Variants in CTNNA2 observed in about 807,000 individuals in gnomAD.
CTNNA2 encodes catenin alpha 2.
A neutral mutation model predicts 101.0 loss-of-function variants in CTNNA2; 42 were observed. The ratio of observed to expected loss-of-function variants is 0.42; its 90% CI spans 0.32 to 0.54. CTNNA2 has a LOEUF of 0.54. CTNNA2 is among the 20% of genes least tolerant of loss of function. The probability of loss-of-function intolerance (pLI) is 0.14; values close to 1 mark genes in which losing one functional copy is unlikely to be tolerated. For synonymous variants in CTNNA2, 450 were observed against 456.4 expected (o/e 0.99, Z 0.18); for missense variants, 871 against 1,223.1 (o/e 0.71, Z 4.29).
chr2:79,397,862 C>T (rs4852146), intron 4 of CTNNA2, among the ~76,000 whole-genome samples: 107,555 of 151,870 alleles, frequency 0.71, 38,248 homozygotes, highest in East Asian at 0.77. Flanking sequence ...TGTCTCATTA[C>T]GTTTCCCAGA....
chr2:79,559,891 A>G (rs1186962639), intron 1 of CTNNA2, among the ~76,000 whole-genome samples: 3 of 151,904 alleles, frequency 2.0e-5, no homozygotes, highest in Non-Finnish European at 4.4e-5. Context: ...CATATGTAAC[A>G]TGTCATATCA....
intron 1 of CTNNA2, among the ~76,000 whole-genome samples, chr2:79,522,673 A>G (rs1672182619): frequency 1.3e-5 from 2 of 152,194 alleles, no homozygotes; most frequent in South Asian, 2.1e-4. Context: ...AGATGAGATC[A>G]ATGAGCACAG....
intron 5 of CTNNA2, among the ~76,000 whole-genome samples, chr2:79,872,906 C>G (rs1046870142): frequency 6.6e-5 from 10 of 152,200 alleles, no homozygotes; most frequent in Non-Finnish European, 1.3e-4. Context: ...AAGAGCAACA[C>G]TGCTTTAACA....
At chr2:80,408,384 C>T (rs1679252608) in intron 8 of CTNNA2, among the ~76,000 whole-genome samples, 1 of 152,178 alleles carries the variant, frequency 6.6e-6, no homozygotes, top group African/African-American at 2.4e-5. Context: ...GCTTCATGCT[C>T]TTTAACCACA....
At chr2:79,803,074 C>A (rs774404000) in intron 3 of CTNNA2, among the ~76,000 whole-genome samples, 2 of 152,124 alleles carry the variant, frequency 1.3e-5, no homozygotes, top group Non-Finnish European at 2.9e-5. Flanking sequence ...TTTGCACTAG[C>A]CTTTCATGAC....
chr2:79,643,738 T>C (rs571660555), intron 1 of CTNNA2, among the ~76,000 whole-genome samples: 7 of 152,138 alleles, frequency 4.6e-5, no homozygotes, highest in Non-Finnish European at 7.3e-5. Flanking sequence ...TACTGGAGGC[T>C]CTGGGGAAGA....
At chr2:79,462,573 C>T (rs986028489) in intron 4 of CTNNA2, among the ~76,000 whole-genome samples, 1 of 152,174 alleles carries the variant, frequency 6.6e-6, no homozygotes. Context: ...AAAAAAGCAA[C>T]CTATAAGCTA....
intron 9 of CTNNA2, among the ~76,000 whole-genome samples, chr2:80,501,142 A>G (rs546345187): frequency 6.6e-6 from 1 of 152,320 alleles, no homozygotes; most frequent in South Asian, 2.1e-4. Flanking sequence ...TTTCTGCTTT[A>G]TTTGGCATAA....
chr2:79,629,540 G>T (rs1029929211), intron 1 of CTNNA2, among the ~76,000 whole-genome samples: 9 of 152,178 alleles, frequency 5.9e-5, no homozygotes, highest in Admixed American at 2.0e-4. Context: ...CTAGGATGTG[G>T]TTATGGGAAT....
chr2:79,765,390 T>C (rs1398937459), intron 3 of CTNNA2, among the ~76,000 whole-genome samples: 1 of 152,240 alleles, frequency 6.6e-6, no homozygotes, highest in Non-Finnish European at 1.5e-5. Context: ...ATATTCCTTT[T>C]ACTTACAAAT....
chr2:79,620,356 C>G (rs1678916801), intron 1 of CTNNA2, among the ~76,000 whole-genome samples: 1 of 152,114 alleles, frequency 6.6e-6, no homozygotes, highest in South Asian at 2.1e-4. Context: ...CTCTCTGGAA[C>G]CTCCTTGTCC....
Position 80,222,814 on chromosome 2 carries a change from G to T in CTNNA2, c.1057-170397G>T, listed in dbSNP as rs148926549. Among the ~76,000 whole-genome samples, 694 of 152,276 alleles carry T rather than the reference G, an allele frequency of 4.6e-3. 4 individuals carry two copies. The highest frequency in any genetic ancestry group is 0.016 in the African/African-American group (654 of 41,538). ...TCCCACCAAAGCACCTTCTTACACA[G>T]TTGGATTTGCAAATATGTACAATAT... On this transcript the variant is annotated intron_variant, in intron 7 of 18. Transcript: ENST00000402739.
At chr2:79,377,568 T>C (rs1258903557) in intron 4 of CTNNA2, among the ~76,000 whole-genome samples, 1 of 152,166 alleles carries the variant, frequency 6.6e-6, no homozygotes, top group Non-Finnish European at 1.5e-5. Context: ...ACAGGCAGTT[T>C]TGGGAGACAG....
At chr2:79,857,161 C>G (rs1008366543) in intron 3 of CTNNA2, among the ~76,000 whole-genome samples, 9 of 152,188 alleles carry the variant, frequency 5.9e-5, no homozygotes, top group African/African-American at 2.2e-4. Context: ...ATCCCCTCCC[C>G]ACCTTTGTTT....
intron 7 of CTNNA2, among the ~76,000 whole-genome samples, chr2:80,130,665 T>A (rs1350285254): frequency 2.0e-5 from 3 of 152,146 alleles, no homozygotes; most frequent in Admixed American, 1.3e-4. Flanking sequence ...GAACCTAGAA[T>A]GAGAATAGAG....
chr2:80,315,613 T>A (rs2149236918), intron 7 of CTNNA2, among the ~76,000 whole-genome samples: 1 of 152,260 alleles, frequency 6.6e-6, no homozygotes, highest in African/African-American at 2.4e-5. Context: ...AAAGGAGAAG[T>A]CCCAGTGCGC....
chr2:80,262,288 A>G (rs1672669339), intron 7 of CTNNA2, among the ~76,000 whole-genome samples: 1 of 152,106 alleles, frequency 6.6e-6, no homozygotes, highest in Non-Finnish European at 1.5e-5. Context: ...TAATCTTTCC[A>G]TTTGTTAATA....
intron 2 of CTNNA2, among the ~76,000 whole-genome samples, chr2:79,198,249 T>C (rs1255030893): frequency 6.6e-6 from 1 of 152,216 alleles, no homozygotes; most frequent in Non-Finnish European, 1.5e-5. Flanking sequence ...TTAACCATGA[T>C]AACCTAAATC....
chr2:80,272,902 A>C (rs1267536742), intron 7 of CTNNA2, among the ~76,000 whole-genome samples: 1 of 152,216 alleles, frequency 6.6e-6, no homozygotes, highest in Non-Finnish European at 1.5e-5. Flanking sequence ...TTCTGAAGGC[A>C]TAATTTTGAT....
Sources: allele counts gnomAD v4.1 joint callset (sites outside exome capture counted in the v4.1 genomes callset), GRCh38; gene constraint gnomAD v4.1.1; transcripts MANE v1.5; gene names NCBI Gene and HGNC (gene_info 2026-07-23, HGNC 2026-07-21).